CACNA2D4: variants seen among roughly 807,000 people sequenced by gnomAD.
CACNA2D4 encodes voltage-dependent calcium channel subunit alpha-2/delta-4.
A neutral mutation model predicts 163.8 loss-of-function variants in CACNA2D4; 157 were observed. The observed-to-expected ratio is 0.96, with a 90% confidence interval of 0.84 to 1.09. The LOEUF is 1.09. Among genes scored for constraint, CACNA2D4 ranks in the 50% least tolerant of loss-of-function variants. CACNA2D4 has a pLI of 0.00. For missense variants in CACNA2D4, 1,410 were observed against 1,479.9 expected (o/e 0.95, Z 0.78); for synonymous variants, 598 against 586.9 (o/e 1.02, Z -0.27).
intron 13 of CACNA2D4, among the ~76,000 whole-genome samples, chr12:1,880,947 G>A (rs1865981085): frequency 6.6e-6 from 1 of 152,170 alleles, no homozygotes; most frequent in Admixed American, 6.5e-5. Context: ...CCTAGGACAT[G>A]TCTCAGTCTG....
At chr12:1,831,949 A>T (rs1028394330) in intron 26 of CACNA2D4, among the ~76,000 whole-genome samples, 2 of 152,224 alleles carry the variant, frequency 1.3e-5, no homozygotes, top group African/African-American at 4.8e-5. Context: ...TGAAGAATAC[A>T]GCCATCTCTT....
rs202054008 is a variant in CACNA2D4, at chr12:1,913,030, G to A, written c.419C>T (p.Ala140Val). ...MENMLRRKVE[A>V]VQNLVEAAEE... is the part of the protein sequence containing the mutation. Reference sequence around the variant, plus strand: ...ATCACAGGCCTGGAGTACCTGGACCGCCTCGACTTTCCTCCGCAGCATGTT... The same window carrying A: ...ATCACAGGCCTGGAGTACCTGGACCACCTCGACTTTCCTCCGCAGCATGTT... The change falls in exon 3 of 38, where the codon GCG (alanine) becomes GTG (valine). Residue 140 changes from alanine to valine, a missense_variant. Coordinates refer to ENST00000382722, the MANE Select transcript of CACNA2D4 (RefSeq NM_172364.5). 365 of 1,609,812 alleles carry A rather than the reference G, an allele frequency of 2.3e-4. No individual in the cohort carries two copies. In the East Asian group the frequency reaches 2.4e-3, roughly 11 times the overall value.
At chr12:1,823,824 CA>C (rs1864209696) in intron 26 of CACNA2D4, among the ~76,000 whole-genome samples, 1 of 152,188 alleles carries the variant, frequency 6.6e-6, no homozygotes, top group Non-Finnish European at 1.5e-5. Flanking sequence ...GTGGATCAGG[CA>C]ATGCCGTGGA....
In CACNA2D4 at chr12:1,860,151, G is replaced by A; in HGVS notation, c.1934C>T (p.Pro645Leu). 3 of 1,612,960 alleles carry A rather than the reference G, an allele frequency of 1.9e-6. No individual in the cohort carries two copies. The highest frequency in any genetic ancestry group is 2.5e-6 in the Non-Finnish European group (3 of 1,178,996). ...TAAAGCCTGTGTCCCTCACCTGAAA[G>A]GGGTGTCGCTGATGTCCGTGAAGAA... ...DYFFTDISDTPFSLGVVLSRG... is the reference protein window; with the variant it reads ...DYFFTDISDTLFSLGVVLSRG... The change falls in exon 19 of 38, where the codon CCT becomes CTT. Residue 645 changes from proline to leucine, a missense_variant. Coordinates refer to ENST00000382722, the MANE Select transcript of CACNA2D4 (RefSeq NM_172364.5).
At position 1,795,623 on chromosome 12, in the gene CACNA2D4, C is replaced by G. The variant is rs769655451; in HGVS notation, c.3226+45G>C. On this transcript the variant is annotated intron_variant, in intron 36 of 37. Coordinates refer to ENST00000382722, the MANE Select transcript of CACNA2D4 (RefSeq NM_172364.5). ...ATCTGAGCCCTACAGACACCTCCTA[C>G]AGCCCCCGCCCCCACCGCACACATC... The G allele has an allele frequency of 8.8e-6, 12 of 1,360,440 alleles. No individual in the cohort carries two copies. In the East Asian group the frequency reaches 2.3e-4, roughly 26 times the overall value. The allele number at this position is 1,360,440 out of a possible 1,614,324, so 84.3% of individuals were successfully genotyped here. A position where few individuals can be genotyped will look rare whatever the true frequency, so the allele number is the denominator to read the frequency against.
At chr12:1,905,558 C>T (rs1001609720) in intron 6 of CACNA2D4, among the ~76,000 whole-genome samples, 1 of 152,090 alleles carries the variant, frequency 6.6e-6, no homozygotes, top group African/African-American at 2.4e-5. Flanking sequence ...TATACATTAA[C>T]AGTGAACAAT....
intron 1 of CACNA2D4, among the ~76,000 whole-genome samples, chr12:1,916,960 C>G (rs1866997763): frequency 1.3e-5 from 2 of 152,214 alleles, no homozygotes; most frequent in Admixed American, 6.5e-5. Flanking sequence ...GCCTGGATTC[C>G]AGCCACCCCG....
intron 26 of CACNA2D4, among the ~76,000 whole-genome samples, chr12:1,821,574 C>T (rs957823672): frequency 3.0e-4 from 45 of 152,130 alleles, no homozygotes; most frequent in African/African-American, 1.0e-3. Flanking sequence ...CGTCCATCTG[C>T]AAATGGGTCA....
intron 26 of CACNA2D4, among the ~76,000 whole-genome samples, chr12:1,814,062 C>G (rs1023578207): frequency 6.6e-6 from 1 of 152,204 alleles, no homozygotes; most frequent in Non-Finnish European, 1.5e-5. Flanking sequence ...CGCTACTGCT[C>G]AGAATGACCA....
At position 1,844,360 on chromosome 12, in the gene CACNA2D4, C is replaced by G. The variant is rs374107821; in HGVS notation, c.2470+42G>C. 3.7e-6 allele frequency: 6 copies of G among 1,606,408 alleles called. No homozygotes were observed. Among genetic ancestry groups the G allele is most frequent in the Non-Finnish European group, 5.1e-6 (6 of 1,175,906 alleles). ...CAGCAGGAGGAGAGATGAGACTGGC[C>G]TGAGACTGGCCCAGCCCCGGGAGCA... On this transcript the variant is annotated intron_variant, in intron 25 of 37. Transcript: ENST00000382722. This position sits in a 1 kb window ranked among gnomAD's most constrained non-coding sequence, Gnocchi z 4.2.
chr12:1,836,907 G>C (rs1864880420), intron 26 of CACNA2D4, among the ~76,000 whole-genome samples: 2 of 152,216 alleles, frequency 1.3e-5, no homozygotes, highest in Non-Finnish European at 2.9e-5. Context: ...CAGGGCCAGG[G>C]CTGGGGCACC....
chr12:1,800,327 C>A (rs1442168643), intron 32 of CACNA2D4, 59 bp downstream of exon 32: 2 of 1,570,766 alleles, frequency 1.3e-6, no homozygotes, highest in Admixed American at 3.3e-5. Context: ...CTCAAGGACA[C>A]CCTCCTAAGC....
rs1864744659 is a variant in CACNA2D4 at position 1,834,081 on chromosome 12, G to A, written c.2551+6658C>T. Among the ~76,000 whole-genome samples, 1 of 152,184 alleles carries A rather than the reference G, an allele frequency of 6.6e-6. No homozygotes were observed. The highest frequency in any genetic ancestry group is 2.4e-5 in the African/African-American group (1 of 41,458). On this transcript the variant is annotated intron_variant, in intron 26 of 37. Transcript: ENST00000382722. The surrounding 1 kb of genome is among the most constrained non-coding windows in gnomAD (Gnocchi z 7.6). ...GGCACGATATACGTAACTCACTGTG[G>A]ACTTGGCTCAATCAATGCTGTTTTC... is the stretch of plus-strand genomic sequence containing the variant.
At chr12:1,847,025 C>T (rs1865160727) in intron 23 of CACNA2D4, among the ~76,000 whole-genome samples, 2 of 152,190 alleles carry the variant, frequency 1.3e-5, no homozygotes, top group Admixed American at 1.3e-4. Flanking sequence ...AGATTCTGTC[C>T]TGGGACCTAA....
chr12:1,839,410 C>T (rs1261993786), intron 26 of CACNA2D4, among the ~76,000 whole-genome samples: 1 of 152,228 alleles, frequency 6.6e-6, no homozygotes. Flanking sequence ...ACTCTGCAGG[C>T]ACGAAGAAAC....
chr12:1,912,966 G>A, intron 3 of CACNA2D4, 57 bp downstream of exon 3: 1 of 1,111,904 alleles, frequency 9.0e-7, no homozygotes, highest in Non-Finnish European at 1.4e-6. Flanking sequence ...GGGTCACTCT[G>A]CCACCTGCGT....
intron 26 of CACNA2D4, among the ~76,000 whole-genome samples, chr12:1,839,668 C>A (rs1209158717): frequency 6.6e-6 from 1 of 152,218 alleles, no homozygotes; most frequent in African/African-American, 2.4e-5. Flanking sequence ...GGGAGGCAGT[C>A]CACAGTGCCC....
At chr12:1,880,639 A>G (rs185000457) in intron 13 of CACNA2D4, among the ~76,000 whole-genome samples, 1 of 152,266 alleles carries the variant, frequency 6.6e-6, no homozygotes, top group South Asian at 2.1e-4. Flanking sequence ...GAGATCAACT[A>G]AAGGGGACTG....
rs1866707942 is a variant in CACNA2D4, at chr12:1,908,005, C to T, written c.519G>A (p.Glu173=). 1.2e-6 allele frequency: 2 copies of T among 1,613,894 alleles called. No homozygotes were observed. Among genetic ancestry groups the T allele is most frequent in the South Asian group, 2.2e-5 (2 of 91,078 alleles). The part of the protein sequence containing the change: ...FDYYNSVLIN[E]RDEKGNFVEL... ...CCACGAAGTTGCCCTTCTCGTCCCT[C>T]TCGTTGATCAGGACCGAGTTGTAAT... Residue 173 remains glutamate (E), a synonymous_variant, in exon 5 of 38, where the codon GAG becomes GAA. Coordinates refer to ENST00000382722, the MANE Select transcript of CACNA2D4 (RefSeq NM_172364.5).
Sources: allele counts gnomAD v4.1 joint callset (sites outside exome capture counted in the v4.1 genomes callset), GRCh38; gene constraint gnomAD v4.1.1; non-coding constraint Gnocchi (gnomAD v3.1); transcripts MANE v1.5; gene names NCBI Gene and HGNC (gene_info 2026-07-23, HGNC 2026-07-21).